LPAR1: variants seen among roughly 807,000 people sequenced by gnomAD.
The protein encoded by LPAR1 is LPA receptor 1.
LPAR1 carries 5 observed loss-of-function variants against 23.8 expected under a neutral mutation model. The ratio of observed to expected loss-of-function variants is 0.21; its 90% confidence interval spans 0.11 to 0.44. LPAR1 has a LOEUF of 0.44. Among genes scored for constraint, LPAR1 ranks in the 20% least tolerant of loss-of-function variants. The probability of loss-of-function intolerance (pLI) is 0.99; values close to 1 mark genes in which losing one functional copy is unlikely to be tolerated. For missense variants in LPAR1, 311 were observed against 482.8 expected (o/e 0.64, Z 3.33); for synonymous variants, 160 against 164.7 (o/e 0.97, Z 0.22).
At chr9:110,917,981 T>C (rs1564460655) in intron 5 of LPAR1, among the ~76,000 whole-genome samples, 1 of 152,174 alleles carries the variant, frequency 6.6e-6, no homozygotes, top group African/African-American at 2.4e-5. Flanking sequence ...CAGCTCACTG[T>C]AGCCTCCACC....
At chr9:110,963,981 G>A (rs2096099381) in intron 4 of LPAR1, among the ~76,000 whole-genome samples, 1 of 152,208 alleles carries the variant, frequency 6.6e-6, no homozygotes, top group Non-Finnish European at 1.5e-5. Context: ...TGTGGCACTG[G>A]AAACATACTT....
intron 2 of LPAR1, among the ~76,000 whole-genome samples, chr9:111,013,537 T>C (rs2097375224): frequency 6.6e-6 from 1 of 152,208 alleles, no homozygotes; most frequent in East Asian, 1.9e-4. Context: ...TTACCCTGTG[T>C]GAACTCTATG....
intron 5 of LPAR1, among the ~76,000 whole-genome samples, chr9:110,938,722 T>C (rs982261105): frequency 1.3e-5 from 2 of 149,234 alleles, no homozygotes; most frequent in Non-Finnish European, 3.0e-5. Context: ...AAAAAAAATC[T>C]GGGTAGCTGG....
At chr9:110,928,580 C>T (rs1207280932) in intron 5 of LPAR1, among the ~76,000 whole-genome samples, 1 of 152,136 alleles carries the variant, frequency 6.6e-6, no homozygotes, top group Admixed American at 6.5e-5. Context: ...TAATCTCTAC[C>T]GTCTGATCGT....
intron 5 of LPAR1, among the ~76,000 whole-genome samples, chr9:110,908,553 T>C (rs2091816913): frequency 6.6e-6 from 1 of 152,186 alleles, no homozygotes; most frequent in Non-Finnish European, 1.5e-5. Flanking sequence ...AGTAACTGCA[T>C]TGAATGGAAC....
In LPAR1 at chr9:110,952,750, C is replaced by A. The variant is rs181509914; in HGVS notation, c.46-10582G>T. ...ACCACAGCACAGCCATTGCCACCCC[C>A]ACCAAGCATTCCACTGCAGAACTGA... is the stretch of plus-strand genomic sequence containing the variant. On this transcript the variant is annotated intron_variant, in intron 4 of 5. Coordinates refer to ENST00000683809, the MANE Select transcript of LPAR1 (RefSeq NM_001351411.2). 2.1e-3 allele frequency among the ~76,000 whole-genome samples: 321 copies of A among 152,256 alleles called. 3 individuals carry two copies. Among genetic ancestry groups the A allele is most frequent in the African/African-American group, 7.1e-3 (295 of 41,548 alleles).
chr9:110,961,617 CAAAAAAAAAA>C (rs57773067), intron 4 of LPAR1, among the ~76,000 whole-genome samples: 5 of 79,866 alleles, frequency 6.3e-5, no homozygotes, highest in African/African-American at 9.3e-5. Context: ...GAGACTATCT[CAAAAAAAAAA>C]AAAAAAAAAA....
intron 5 of LPAR1, among the ~76,000 whole-genome samples, chr9:110,923,689 G>A (rs527927756): frequency 8.5e-5 from 13 of 152,310 alleles, no homozygotes; most frequent in African/African-American, 2.9e-4. Flanking sequence ...AGGTTTTACT[G>A]TTTCTGCTGT....
chr9:110,962,829 G>T (rs556734187), intron 4 of LPAR1, among the ~76,000 whole-genome samples: 11 of 152,176 alleles, frequency 7.2e-5, no homozygotes, highest in African/African-American at 2.4e-4. Context: ...TCACACAGCA[G>T]GGAAAGGTTG....
At chr9:110,890,779 G>C (rs2083892993) in intron 5 of LPAR1, among the ~76,000 whole-genome samples, 1 of 152,108 alleles carries the variant, frequency 6.6e-6, no homozygotes, top group Non-Finnish European at 1.5e-5. Context: ...GTTAACACTA[G>C]GAAATCTCTT....
chr9:110,916,653 G>T (rs1200792429), intron 5 of LPAR1, among the ~76,000 whole-genome samples: 2 of 151,852 alleles, frequency 1.3e-5, no homozygotes, highest in African/African-American at 4.8e-5. Context: ...TTCCTCTTCT[G>T]TCTTGTAGCT....
At chr9:110,964,827 A>G (rs2096142931) in intron 4 of LPAR1, among the ~76,000 whole-genome samples, 1 of 150,732 alleles carries the variant, frequency 6.6e-6, no homozygotes, top group Admixed American at 6.6e-5. Context: ...AGTGTCTTCC[A>G]AAAGACAACA....
rs142117056 is a variant in LPAR1 at position 110,875,510 on chromosome 9, C to T, written c.1006G>A (p.Gly336Ser). Reference sequence around the variant, plus strand: ...GAGCGGTCTGAGCCTTCTGTGGGGCCGGTGGGGTTCTCACTGCGCTGGCAG... The same window carrying T: ...GAGCGGTCTGAGCCTTCTGTGGGGCTGGTGGGGTTCTCACTGCGCTGGCAG... ...LCCQRSENPTGPTEGSDRSAS... is the reference protein window; with the variant it reads ...LCCQRSENPTSPTEGSDRSAS... The change falls in exon 6 of 6, where the codon GGC becomes AGC. Residue 336 changes from glycine (G) to serine (S), a missense_variant. By Grantham distance (56) the Gly-to-Ser change is moderately conservative (BLOSUM62 0). Transcript: ENST00000683809. The T allele has an allele frequency of 1.5e-5, 25 of 1,613,950 alleles. No homozygotes were observed. The highest frequency in any genetic ancestry group is 1.0e-4 in the Admixed American group (6 of 59,986).
chr9:110,945,579 T>C (rs2095343007), intron 4 of LPAR1, among the ~76,000 whole-genome samples: 1 of 152,242 alleles, frequency 6.6e-6, no homozygotes, highest in African/African-American at 2.4e-5. Flanking sequence ...AATAGTTTTT[T>C]ATTGCTACTT....
At chr9:110,876,703 T>C (rs2079186825) in intron 5 of LPAR1, among the ~76,000 whole-genome samples, 1 of 152,238 alleles carries the variant, frequency 6.6e-6, no homozygotes. Context: ...ATTTCAGATG[T>C]TCTACTAATT....
chr9:110,988,984 A>G (rs534054463), intron 2 of LPAR1, among the ~76,000 whole-genome samples: 2 of 152,326 alleles, frequency 1.3e-5, no homozygotes, highest in Non-Finnish European at 2.9e-5. Context: ...TACATACTAC[A>G]ACATGCAGTA....
intron 2 of LPAR1, among the ~76,000 whole-genome samples, chr9:111,005,030 C>T (rs1212105533): frequency 3.3e-5 from 5 of 151,316 alleles, no homozygotes; most frequent in East Asian, 2.0e-4. Flanking sequence ...GGTGTGATGG[C>T]GTGTGCCTGT....
At chr9:110,995,816 A>C (rs2096988532) in intron 2 of LPAR1, among the ~76,000 whole-genome samples, 1 of 152,214 alleles carries the variant, frequency 6.6e-6, no homozygotes, top group African/African-American at 2.4e-5. Context: ...GAAAATCACC[A>C]AAAAAGGGGG....
chr9:110,968,027 G>A (rs1370898607), intron 4 of LPAR1, among the ~76,000 whole-genome samples: 2 of 152,126 alleles, frequency 1.3e-5, no homozygotes, highest in Non-Finnish European at 2.9e-5. Flanking sequence ...CAACTACCCT[G>A]GTTAAGGTTA....
Sources: gnomAD v4.1 joint callset for allele counts (sites outside exome capture counted in the v4.1 genomes callset) on GRCh38, gnomAD v4.1.1 for gene constraint, MANE v1.5 for transcripts, NCBI Gene and HGNC (gene_info 2026-07-23, HGNC 2026-07-21) for gene names.